Variants in DMRT1 observed in about 807,000 individuals in gnomAD.
DMRT1 encodes the protein doublesex- and mab-3-related transcription factor 1.
DMRT1 carries 7 observed loss-of-function variants against 32.3 expected under a neutral mutation model. The observed-to-expected ratio is 0.22, with a 90% CI of 0.12 to 0.41. The LOEUF (loss-of-function observed/expected upper bound fraction) is 0.41, where lower values mean the gene tolerates loss of function less well. DMRT1 is among the 10% of genes least tolerant of loss of function. DMRT1 has a pLI of 1.00. For missense variants in DMRT1, 625 were observed against 500.5 expected, an observed-to-expected ratio of 1.25 and a Z score of -2.37; for synonymous variants, 278 against 206.1, an observed-to-expected ratio of 1.35 and a Z score of -2.99.
Position 916,745 on chromosome 9 carries a change from T to G in DMRT1, c.823-18T>G. 1 of 1,614,014 alleles carries G rather than the reference T, an allele frequency of 6.2e-7. No homozygotes were observed. The highest frequency in any genetic ancestry group is 8.5e-7 in the Non-Finnish European group (1 of 1,179,844). ...TGCAATGTTGATCTCAGTATATTTC[T>G]TCTTTTTTCTTAAGCAGATGAAGAA... On this transcript the variant is annotated intron_variant, in intron 3 of 4. Transcript: ENST00000382276.
At chr9:919,606 C>T (rs1471231147) in intron 4 of DMRT1, among the ~76,000 whole-genome samples, 1 of 152,144 alleles carries the variant, frequency 6.6e-6, no homozygotes, top group Non-Finnish European at 1.5e-5. Context: ...AACAATTAGG[C>T]TTTTATTTCA....
intron 2 of DMRT1, among the ~76,000 whole-genome samples, chr9:892,779 C>T (rs1418229620): frequency 1.3e-5 from 2 of 152,162 alleles, no homozygotes; most frequent in East Asian, 3.9e-4. Flanking sequence ...CCCGCCTCAC[C>T]TTACCCTAGC....
At chr9:910,046 T>G (rs1817918770) in intron 3 of DMRT1, among the ~76,000 whole-genome samples, 1 of 152,206 alleles carries the variant, frequency 6.6e-6, no homozygotes, top group African/African-American at 2.4e-5. Context: ...AATATCAGTT[T>G]GCAATTAGGA....
At chr9:858,972 A>G (rs920049568) in intron 2 of DMRT1, among the ~76,000 whole-genome samples, 2 of 151,858 alleles carry the variant, frequency 1.3e-5, no homozygotes, top group Non-Finnish European at 2.9e-5. Context: ...TGTCACCACC[A>G]TCCATCTCCA....
chr9:906,740 C>G (rs141013416), intron 3 of DMRT1, among the ~76,000 whole-genome samples: 1 of 152,068 alleles, frequency 6.6e-6, no homozygotes, highest in East Asian at 1.9e-4. Context: ...AGAGACAATG[C>G]GAAGAGTTGT....
chr9:968,008 G>C lies in DMRT1; in HGVS notation c.991G>C (p.Asp331His), dbSNP rs139434590. Residue 331 changes from aspartate (D) to histidine (H), a missense_variant, in exon 5 of 5, where the codon GAT (aspartate) becomes CAT (histidine). Coordinates refer to ENST00000382276, the MANE Select transcript of DMRT1 (RefSeq NM_021951.3). ...AGTATTCTCGCCGCCCAGCAGTCAAGATTCTGGCTTGGTTTCCCTCTCGAG... is the reference window on the plus strand; with the variant it reads ...AGTATTCTCGCCGCCCAGCAGTCAACATTCTGGCTTGGTTTCCCTCTCGAG... ...ASVFSPPSSQDSGLVSLSSSS... is the reference protein window; with the variant it reads ...ASVFSPPSSQHSGLVSLSSSS... The C allele has an allele frequency of 4.2e-4, 673 of 1,613,850 alleles. No homozygotes were observed. Among genetic ancestry groups the C allele is most frequent in the Non-Finnish European group, 5.5e-4 (652 of 1,180,034 alleles).
intron 2 of DMRT1, among the ~76,000 whole-genome samples, chr9:871,949 A>C (rs987881196): frequency 1.3e-5 from 2 of 151,432 alleles, no homozygotes; most frequent in African/African-American, 4.9e-5. Flanking sequence ...TCATCTCTCT[A>C]TATACCTATT....
intron 2 of DMRT1, among the ~76,000 whole-genome samples, chr9:873,879 AG>A (rs1816382788): frequency 6.6e-6 from 1 of 152,206 alleles, no homozygotes; most frequent in Non-Finnish European, 1.5e-5. Flanking sequence ...GAAGAGAAAA[AG>A]TTCACCTTCT....
At chr9:881,109 A>AC (rs150778115) in intron 2 of DMRT1, among the ~76,000 whole-genome samples, 6,071 of 147,832 alleles carry the variant, frequency 0.041, 360 homozygotes, top group African/African-American at 0.14. Flanking sequence ...AATTCTATAG[A>AC]CCCCCCCCAC....
chr9:869,133 T>G (rs1228388290), intron 2 of DMRT1, among the ~76,000 whole-genome samples: 1 of 152,210 alleles, frequency 6.6e-6, no homozygotes, highest in African/African-American at 2.4e-5. Context: ...CTGAGGAAGT[T>G]GACATCCAAA....
chr9:927,087 C>T (rs1239335708), intron 4 of DMRT1, among the ~76,000 whole-genome samples: 1 of 152,208 alleles, frequency 6.6e-6, no homozygotes, highest in East Asian at 1.9e-4. Context: ...CCACAGGGCC[C>T]TAGCGATTTT....
intron 2 of DMRT1, among the ~76,000 whole-genome samples, chr9:888,047 A>G (rs1816999091): frequency 6.6e-6 from 1 of 152,212 alleles, no homozygotes; most frequent in African/African-American, 2.4e-5. Context: ...GAAGAATATT[A>G]AATTTTGACT....
intron 2 of DMRT1, among the ~76,000 whole-genome samples, chr9:878,420 C>G (rs979450815): frequency 2.6e-5 from 4 of 152,130 alleles, no homozygotes; most frequent in African/African-American, 9.7e-5. Context: ...TTGTTGCTTT[C>G]CTGGCGCCAG....
At chr9:923,868 A>C (rs1037641624) in intron 4 of DMRT1, among the ~76,000 whole-genome samples, 1 of 152,188 alleles carries the variant, frequency 6.6e-6, no homozygotes, top group Non-Finnish European at 1.5e-5. Flanking sequence ...TATTTGCTAA[A>C]TTTCAAAGAA....
intron 3 of DMRT1, among the ~76,000 whole-genome samples, chr9:914,445 G>A (rs940743878): frequency 6.6e-6 from 1 of 151,806 alleles, no homozygotes; most frequent in African/African-American, 2.4e-5. Context: ...ATGGTGGCGG[G>A]CGCCTGTAGT....
chr9:865,412 C>T (rs1815936988), intron 2 of DMRT1, among the ~76,000 whole-genome samples: 1 of 151,850 alleles, frequency 6.6e-6, no homozygotes, highest in South Asian at 2.1e-4. Flanking sequence ...TTAGAGTGCT[C>T]ATTTTTTTCT....
At position 927,264 on chromosome 9, in the gene DMRT1, A is replaced by G. The variant is rs373803854; in HGVS notation, c.967+10357A>G. Among the ~76,000 whole-genome samples, 12 of 152,326 alleles carry G rather than the reference A, an allele frequency of 7.9e-5. No individual in the cohort carries two copies. In the East Asian group the frequency reaches 1.9e-3, roughly 25 times the overall value. On this transcript the variant is annotated intron_variant, in intron 4 of 4. Coordinates refer to ENST00000382276, the MANE Select transcript of DMRT1 (RefSeq NM_021951.3). ...TTGCCTCCAGAGTTAGTGAGCAGGAACAGTTAAGATTTACAAACAATGATG... is the reference window on the plus strand; with the variant it reads ...TTGCCTCCAGAGTTAGTGAGCAGGAGCAGTTAAGATTTACAAACAATGATG...
intron 2 of DMRT1, among the ~76,000 whole-genome samples, chr9:848,651 T>A (rs1383784462): frequency 6.7e-6 from 1 of 149,772 alleles, no homozygotes; most frequent in Non-Finnish European, 1.5e-5. Flanking sequence ...CCTCCTGGGT[T>A]CAAATGATTC....
intron 2 of DMRT1, among the ~76,000 whole-genome samples, chr9:890,220 T>C (rs1216320444): frequency 6.6e-6 from 1 of 151,888 alleles, no homozygotes; most frequent in East Asian, 1.9e-4. Context: ...GTGCTGGGAT[T>C]ACAGGCGTGA....
Sources: gnomAD v4.1 joint callset for allele counts (sites outside exome capture counted in the v4.1 genomes callset) on GRCh38, gnomAD v4.1.1 for gene constraint, MANE v1.5 for transcripts, NCBI Gene and HGNC (gene_info 2026-07-23, HGNC 2026-07-21) for gene names.